The following AFF2 variants were observed in gnomAD, a reference collection of about 807,000 sequenced individuals.
The protein encoded by AFF2 is ALF transcription elongation factor 2.
Under a neutral mutation model 76.9 loss-of-function variants are expected in AFF2, and 14 were observed. That is an observed-to-expected ratio of 0.18 (90% CI 0.12 to 0.28). The LOEUF is 0.28. Among genes scored for constraint, AFF2 ranks in the 10% least tolerant of loss-of-function variants. The pLI is 1.00. For synonymous variants in AFF2, 398 were observed against 366.7 expected, an observed-to-expected ratio of 1.09 and a Z score of -0.98; for missense variants, 868 against 1,001.1, an observed-to-expected ratio of 0.87 and a Z score of 1.79.
At chrX:148,752,878 T>C (rs1245596040) in intron 3 of AFF2, among the ~76,000 whole-genome samples, 5 of 112,197 alleles carry the variant, frequency 4.5e-5, no homozygotes, top group African/African-American at 1.6e-4. Flanking sequence ...GATTTCTTCA[T>C]TGAGCAAAGG....
At chrX:148,671,101 G>A (rs1057158932) in intron 3 of AFF2, among the ~76,000 whole-genome samples, 2 of 111,250 alleles carry the variant, frequency 1.8e-5, no homozygotes, top group Non-Finnish European at 1.9e-5. Context: ...ATGCCATTGT[G>A]TAGGTAGATC....
At chrX:148,726,633 C>T (rs1557264271) in intron 3 of AFF2, among the ~76,000 whole-genome samples, 1 of 111,708 alleles carries the variant, frequency 9.0e-6, no homozygotes, top group Non-Finnish European at 1.9e-5. Flanking sequence ...TGATCTCAGT[C>T]GTGTCTTTTA....
At chrX:148,654,746 G>T (rs2054234746) in intron 2 of AFF2, among the ~76,000 whole-genome samples, 1 of 108,601 alleles carries the variant, frequency 9.2e-6, no homozygotes, top group Non-Finnish European at 1.9e-5. Flanking sequence ...GGGGAAGGAA[G>T]ATTGGGGAAG....
At chrX:148,507,094 C>G (rs2052428123) in intron 1 of AFF2, among the ~76,000 whole-genome samples, 1 of 112,214 alleles carries the variant, frequency 8.9e-6, no homozygotes, top group Admixed American at 9.4e-5. Flanking sequence ...CAGTCACATT[C>G]GACTCAAAGA....
chrX:148,795,646 C>CA (rs1307968585), intron 3 of AFF2, among the ~76,000 whole-genome samples: 1 of 99,529 alleles, frequency 1.0e-5, no homozygotes, highest in Non-Finnish European at 2.0e-5. Context: ...ACTAATAATA[C>CA]AAAAAAATTA....
At chrX:148,850,476 T>TA (rs1402855186) in intron 7 of AFF2, among the ~76,000 whole-genome samples, 2 of 111,182 alleles carry the variant, frequency 1.8e-5, no homozygotes, top group Non-Finnish European at 3.8e-5. Flanking sequence ...GGACCAAAGT[T>TA]AAAAAAAATT....
At chrX:148,778,642 G>A (rs1441851570) in intron 3 of AFF2, among the ~76,000 whole-genome samples, 1 of 111,266 alleles carries the variant, frequency 9.0e-6, no homozygotes, top group Non-Finnish European at 1.9e-5. Context: ...TGCGTAGAGG[G>A]TTTTATAGTA....
In AFF2 at chrX:148,996,449, G is replaced by A. The variant is rs2072600319; in HGVS notation, c.*5117G>A. The stretch of plus-strand genomic sequence containing the variant: ...GTCACTGAACACATGGTTGGAAAGA[G>A]ATGCACGCAGTTGGCTCTTGCAAGC... On this transcript the variant is annotated 3_prime_UTR_variant, in exon 21 of 21. Transcript: ENST00000370460. 8.9e-6 allele frequency: 1 copy of A among 112,750 alleles called. No homozygotes were observed. Among genetic ancestry groups the A allele is most frequent in the South Asian group, 3.7e-4 (1 of 2,720 alleles). The allele number at this position is 112,750 out of a possible 1,213,427, so 9.3% of individuals were successfully genotyped here.
chrX:148,501,805 A>G (rs911624695), intron 1 of AFF2, among the ~76,000 whole-genome samples: 5 of 112,886 alleles, frequency 4.4e-5, no homozygotes, highest in East Asian at 2.8e-4. Context: ...TGGCCCCCCA[A>G]ATCCGCAGCT....
intron 8 of AFF2, among the ~76,000 whole-genome samples, chrX:148,900,676 A>C (rs1054925949): frequency 3.6e-5 from 4 of 111,456 alleles, no homozygotes; most frequent in Admixed American, 1.9e-4. Context: ...ACTAAAGGAG[A>C]GATCAACTGG....
intron 3 of AFF2, among the ~76,000 whole-genome samples, chrX:148,771,416 A>G (rs938330590): frequency 8.9e-6 from 1 of 112,289 alleles, no homozygotes; most frequent in African/African-American, 3.2e-5. Context: ...TTTCACAAAC[A>G]GAATCAAGAC....
intron 1 of AFF2, among the ~76,000 whole-genome samples, chrX:148,516,020 G>T (rs1444539051): frequency 8.9e-6 from 1 of 112,029 alleles, no homozygotes; most frequent in Non-Finnish European, 1.9e-5. Flanking sequence ...GGGCAAAGAA[G>T]CCTTCTTTGA....
At chrX:148,837,818 C>G in intron 5 of AFF2, 85 bp downstream of exon 5, 1 of 604,221 alleles carries the variant, frequency 1.7e-6, no homozygotes. Flanking sequence ...GCAAAAATGG[C>G]CTTGGTCTTC....
At position 148,726,819 on chromosome X, in the gene AFF2, C is replaced by A. The variant is rs187381280; in HGVS notation, c.1041+64051C>A. Reference sequence around the variant, plus strand: ...GTTGGCAGTTGACCCAAAAACCTTGCAAGCCTGAAGTGGTATCCAGATAGC... The same window carrying A: ...GTTGGCAGTTGACCCAAAAACCTTGAAAGCCTGAAGTGGTATCCAGATAGC... On this transcript the variant is annotated intron_variant, in intron 3 of 20. Coordinates refer to ENST00000370460, the MANE Select transcript of AFF2 (RefSeq NM_002025.4). Among the ~76,000 whole-genome samples, 3 of 111,413 alleles carry A rather than the reference C, an allele frequency of 2.7e-5. No individual in the cohort carries two copies. In the East Asian group the frequency reaches 8.6e-4, roughly 32 times the overall value.
chrX:148,527,804 G>T (rs1344500389), intron 1 of AFF2, among the ~76,000 whole-genome samples: 1 of 111,685 alleles, frequency 9.0e-6, no homozygotes, highest in Non-Finnish European at 1.9e-5. Context: ...ACCAGTAATT[G>T]GGTCCCTTCT....
At chrX:148,990,770 T>A (rs782587562) in intron 20 of AFF2, among the ~76,000 whole-genome samples, 67 of 112,193 alleles carry the variant, frequency 6.0e-4, no homozygotes, top group Non-Finnish European at 1.1e-3. Context: ...ATGTCCAGAT[T>A]CATGGGCCTT....
chrX:148,694,319 T>TA (rs1158331286), intron 3 of AFF2, among the ~76,000 whole-genome samples: 1 of 109,168 alleles, frequency 9.2e-6, no homozygotes, highest in Non-Finnish European at 1.9e-5. Flanking sequence ...AGTATAATAA[T>TA]AAAAAAAAAG....
intron 2 of AFF2, among the ~76,000 whole-genome samples, chrX:148,655,828 G>A (rs2054246284): frequency 9.0e-6 from 1 of 111,088 alleles, no homozygotes; most frequent in South Asian, 3.8e-4. Flanking sequence ...GTGGTCATGG[G>A]AGTCCTAGAG....
chrX:148,730,413 G>A (rs782816233), intron 3 of AFF2, among the ~76,000 whole-genome samples: 1 of 112,052 alleles, frequency 8.9e-6, no homozygotes, highest in Admixed American at 9.4e-5. Context: ...TAAGGACCCA[G>A]TGACAGAAAT....
Sources: allele counts gnomAD v4.1 joint callset (sites outside exome capture counted in the v4.1 genomes callset), GRCh38; gene constraint gnomAD v4.1.1; transcripts MANE v1.5; gene names NCBI Gene and HGNC (gene_info 2026-07-23, HGNC 2026-07-21).